The following OSBPL6 variants were observed in gnomAD, a reference collection of about 807,000 sequenced individuals.
The protein encoded by OSBPL6 is oxysterol-binding protein-related protein 6.
In OSBPL6, 49 loss-of-function variants were observed where a neutral mutation model predicts 125.8. That is an observed-to-expected ratio of 0.39 (90% CI 0.31 to 0.49). The LOEUF (loss-of-function observed/expected upper bound fraction) is 0.49, where lower values mean the gene tolerates loss of function less well. OSBPL6 is among the 20% of genes least tolerant of loss of function. The probability of loss-of-function intolerance (pLI) is 0.88; values close to 1 mark genes in which losing one functional copy is unlikely to be tolerated. For synonymous variants in OSBPL6, 394 were observed against 391.8 expected (o/e 1.01, Z -0.07); for missense variants, 986 against 1,135.4 (o/e 0.87, Z 1.89).
chr2:178,335,909 T>A lies in OSBPL6; in HGVS notation c.658-392T>A, dbSNP rs574456978. 3.3e-5 allele frequency among the ~76,000 whole-genome samples: 5 copies of A among 152,310 alleles called. No individual in the cohort carries two copies. In the East Asian group the frequency reaches 9.6e-4, roughly 29 times the overall value. On this transcript the variant is annotated intron_variant, in intron 8 of 24. Coordinates refer to ENST00000190611, the MANE Select transcript of OSBPL6 (RefSeq NM_032523.4). ...GAATCACATGTGGTTGAGGAGAACT[T>A]GAGTGGTCATAAGGGTACAGAAACC...
intron 14 of OSBPL6, 26 bp downstream of exon 14, chr2:178,372,259 G>T (rs751424609): frequency 1.3e-6 from 2 of 1,495,408 alleles, no homozygotes; most frequent in African/African-American, 1.4e-5. Flanking sequence ...AATAGATGCA[G>T]AGTACCTATT....
intron 1 of OSBPL6, among the ~76,000 whole-genome samples, chr2:178,218,540 A>G (rs1247181690): frequency 6.6e-6 from 1 of 151,728 alleles, no homozygotes; most frequent in African/African-American, 2.4e-5. Context: ...CTTCTCAAAC[A>G]TCTCCTTACC....
intron 12 of OSBPL6, 41 bp downstream of exon 12, chr2:178,349,430 C>A: frequency 1.9e-6 from 3 of 1,580,526 alleles, no homozygotes; most frequent in Non-Finnish European, 2.6e-6. Flanking sequence ...AAGCTCTCTT[C>A]TTTGATGAAA....
At chr2:178,346,056 A>T (rs190407668) in intron 11 of OSBPL6, among the ~76,000 whole-genome samples, 99 of 152,118 alleles carry the variant, frequency 6.5e-4, no homozygotes, top group Non-Finnish European at 1.1e-3. Flanking sequence ...AGGAATAACT[A>T]GGGGGACTGG....
At chr2:178,265,463 C>T (rs2092204152) in intron 1 of OSBPL6, among the ~76,000 whole-genome samples, 1 of 152,002 alleles carries the variant, frequency 6.6e-6, no homozygotes, top group South Asian at 2.1e-4. Context: ...ATCCTCCTGC[C>T]TTAGCCTCCC....
At chr2:178,290,827 AG>A (rs1212912342) in intron 2 of OSBPL6, among the ~76,000 whole-genome samples, 1 of 152,248 alleles carries the variant, frequency 6.6e-6, no homozygotes, top group East Asian at 1.9e-4. Flanking sequence ...TCAGGAAACA[AG>A]GTGGGAAATA....
intron 11 of OSBPL6, among the ~76,000 whole-genome samples, chr2:178,340,867 T>G (rs542325113): frequency 2.6e-4 from 39 of 152,288 alleles, no homozygotes; most frequent in African/African-American, 8.7e-4. Context: ...TATTTGAAAA[T>G]AAATTTTCAT....
At chr2:178,336,492 C>T (rs751691899) in intron 9 of OSBPL6, 59 bp downstream of exon 9, 26 of 1,587,644 alleles carry the variant, frequency 1.6e-5, no homozygotes, top group Non-Finnish European at 2.2e-5. Context: ...AAACAAAACC[C>T]GAAGAGGTCA....
At chr2:178,362,162 T>A (rs1692418628) in intron 13 of OSBPL6, among the ~76,000 whole-genome samples, 1 of 152,224 alleles carries the variant, frequency 6.6e-6, no homozygotes, top group South Asian at 2.1e-4. Flanking sequence ...TGTTCCAGGA[T>A]ATATTCAGTC....
chr2:178,205,204 G>C lies in OSBPL6; in HGVS notation c.-351+10530G>C, dbSNP rs979345665. Among the ~76,000 whole-genome samples, 7 of 152,304 alleles carry C rather than the reference G, an allele frequency of 4.6e-5. No individual in the cohort carries two copies. The South Asian group carries it at 1.5e-3, about 32-fold the overall frequency. ...GATTTGTGTTTGAGACAGTGAGCTG[G>C]GGGGAATTGAGAGTGCTAAAAAGAG... On this transcript the variant is annotated intron_variant, in intron 1 of 24. Transcript: ENST00000190611.
At chr2:178,354,112 G>A (rs1438169033) in intron 12 of OSBPL6, among the ~76,000 whole-genome samples, 3 of 152,154 alleles carry the variant, frequency 2.0e-5, no homozygotes, top group African/African-American at 7.2e-5. Context: ...GAAACAACTG[G>A]TACCAGCCAC....
In OSBPL6 at chr2:178,302,331, C is replaced by T. The variant is rs74795101; in HGVS notation, c.-155-3699C>T. 1.1e-4 allele frequency among the ~76,000 whole-genome samples: 17 copies of T among 152,056 alleles called. 1 individual carries two copies. The East Asian group carries it at 3.1e-3, about 28-fold the overall frequency. ...AGTAATTATGTTGGTGTTGTGTTGA[C>T]TTTAAAATTTATGGCCTTTCTTTGG... is the stretch of plus-strand genomic sequence containing the variant. On this transcript the variant is annotated intron_variant, in intron 2 of 24. Coordinates refer to ENST00000190611, the MANE Select transcript of OSBPL6 (RefSeq NM_032523.4).
chr2:178,258,878 C>T (rs334011), intron 1 of OSBPL6, among the ~76,000 whole-genome samples: 55,765 of 151,502 alleles, frequency 0.37, 10,575 homozygotes, highest in African/African-American at 0.44. Context: ...AGTCTGTAAA[C>T]GTCTGGTTTT....
intron 1 of OSBPL6, among the ~76,000 whole-genome samples, chr2:178,221,731 A>G (rs546800678): frequency 2.5e-4 from 38 of 152,276 alleles, no homozygotes; most frequent in African/African-American, 8.9e-4. Flanking sequence ...AGGATAATTG[A>G]CTCAGTCAAC....
intron 13 of OSBPL6, among the ~76,000 whole-genome samples, chr2:178,367,282 A>G (rs1428680405): frequency 6.6e-6 from 1 of 152,234 alleles, no homozygotes; most frequent in Non-Finnish European, 1.5e-5. Context: ...TTTTCCAAAT[A>G]TACTATAATG....
intron 9 of OSBPL6, among the ~76,000 whole-genome samples, chr2:178,338,549 G>C (rs935748370): frequency 2.0e-5 from 3 of 152,138 alleles, no homozygotes; most frequent in African/African-American, 7.2e-5. Context: ...ATGTTTAACT[G>C]ATTCTGTATT....
chr2:178,206,239 A>G (rs1574478232), intron 1 of OSBPL6, among the ~76,000 whole-genome samples: 1 of 152,252 alleles, frequency 6.6e-6, no homozygotes, highest in African/African-American at 2.4e-5. Flanking sequence ...ATGTGTGGTG[A>G]AAAAGCTAGC....
In OSBPL6 at chr2:178,382,782, T is replaced by C. The variant is rs546668120; in HGVS notation, c.1622-242T>C. ...TAAATGTATTTAATTTTTTAAAACT[T>C]AGCCTGTCTTGTCTTGAATGATATT... On this transcript the variant is annotated intron_variant, in intron 16 of 24. Coordinates refer to ENST00000190611, the MANE Select transcript of OSBPL6 (RefSeq NM_032523.4). The C allele has an allele frequency of 4.9e-6, 7 of 1,422,050 alleles. No homozygotes were observed. The South Asian group carries it at 1.1e-4, about 22-fold the overall frequency. The allele number at this position is 1,422,050 out of a possible 1,614,324, so 88.1% of individuals were successfully genotyped here.
intron 1 of OSBPL6, among the ~76,000 whole-genome samples, chr2:178,253,826 C>T (rs2091782792): frequency 6.6e-6 from 1 of 152,104 alleles, no homozygotes; most frequent in Admixed American, 6.5e-5. Context: ...AAATTTAATC[C>T]CCAATGTGGC....
Sources: gnomAD v4.1 joint callset for allele counts (sites outside exome capture counted in the v4.1 genomes callset) on GRCh38, gnomAD v4.1.1 for gene constraint, MANE v1.5 for transcripts, NCBI Gene and HGNC (gene_info 2026-07-23, HGNC 2026-07-21) for gene names.